The following SCD5 variants were observed in gnomAD, a reference collection of about 807,000 sequenced individuals.
SCD5 encodes the protein stearoyl-CoA desaturase 5.
In SCD5, 20 loss-of-function variants were observed where a neutral mutation model predicts 30.4. That is an observed-to-expected ratio of 0.66 (90% confidence interval 0.46 to 0.96). The LOEUF is 0.96. SCD5 is among the 40% of genes least tolerant of loss of function. SCD5 has a pLI of 0.00. For missense variants in SCD5, 381 were observed against 443.3 expected (o/e 0.86, Z 1.26); for synonymous variants, 173 against 176.4 (o/e 0.98, Z 0.16).
At chr4:82,778,867 T>TC (rs1231390882) in intron 1 of SCD5, among the ~76,000 whole-genome samples, 1 of 149,020 alleles carries the variant, frequency 6.7e-6, no homozygotes, top group African/African-American at 2.5e-5. Flanking sequence ...AACTAGCTAA[T>TC]CTTTTTTTTT....
At chr4:82,771,910 T>C (rs1259286403) in intron 1 of SCD5, among the ~76,000 whole-genome samples, 2 of 152,100 alleles carry the variant, frequency 1.3e-5, no homozygotes, top group East Asian at 3.9e-4. Flanking sequence ...TCCAGTCCAG[T>C]GAGGGAGCCA....
intron 2 of SCD5, among the ~76,000 whole-genome samples, chr4:82,693,257 G>T (rs933848844): frequency 1.3e-5 from 2 of 152,138 alleles, no homozygotes; most frequent in Non-Finnish European, 2.9e-5. Context: ...CCAGCAGTGG[G>T]GTCTGGATGC....
At chr4:82,701,660 T>A (rs986735711) in intron 2 of SCD5, among the ~76,000 whole-genome samples, 3 of 152,240 alleles carry the variant, frequency 2.0e-5, no homozygotes, top group African/African-American at 4.8e-5. Context: ...TCACTGGTAT[T>A]CTCTGTTTAC....
At chr4:82,638,674 C>A (rs548417313) in intron 3 of SCD5, among the ~76,000 whole-genome samples, 1 of 152,142 alleles carries the variant, frequency 6.6e-6, no homozygotes, top group African/African-American at 2.4e-5. Flanking sequence ...CTCAGCAAGG[C>A]GCTGTTACAT....
At chr4:82,756,473 C>T (rs1721236248) in intron 1 of SCD5, among the ~76,000 whole-genome samples, 1 of 152,222 alleles carries the variant, frequency 6.6e-6, no homozygotes, top group Admixed American at 6.5e-5. Flanking sequence ...CGCCTGTAAT[C>T]CCAGCACTTT....
At chr4:82,697,879 A>T (rs1719729455) in intron 2 of SCD5, among the ~76,000 whole-genome samples, 1 of 152,242 alleles carries the variant, frequency 6.6e-6, no homozygotes, top group East Asian at 1.9e-4. Flanking sequence ...GCTTTAATGA[A>T]TTGATAAATC....
chr4:82,709,105 C>T (rs991935750), intron 1 of SCD5, among the ~76,000 whole-genome samples: 1 of 152,166 alleles, frequency 6.6e-6, no homozygotes, highest in East Asian at 1.9e-4. Flanking sequence ...TCTAAATGCC[C>T]CTGCTGATTG....
At chr4:82,736,567 C>CAT (rs1720756639) in intron 1 of SCD5, among the ~76,000 whole-genome samples, 7 of 151,718 alleles carry the variant, frequency 4.6e-5, no homozygotes, top group African/African-American at 7.3e-5. Flanking sequence ...CAGATCGCGC[C>CAT]ATTGCACTCC....
chr4:82,779,881 T>C (rs1560561409), intron 1 of SCD5, among the ~76,000 whole-genome samples: 1 of 152,250 alleles, frequency 6.6e-6, no homozygotes, highest in Non-Finnish European at 1.5e-5. Flanking sequence ...AAACACAATA[T>C]GACTATTCAG....
chr4:82,794,968 G>A (rs538488295), intron 1 of SCD5, among the ~76,000 whole-genome samples: 2 of 152,178 alleles, frequency 1.3e-5, no homozygotes, highest in African/African-American at 4.8e-5. Flanking sequence ...GTCCTTGAAA[G>A]TCATGAACGC....
At chr4:82,635,100 T>C (rs1410796349) in intron 4 of SCD5, among the ~76,000 whole-genome samples, 4 of 152,228 alleles carry the variant, frequency 2.6e-5, no homozygotes, top group Non-Finnish European at 5.9e-5. Flanking sequence ...GGAACTTTCC[T>C]ATGTTTGATC....
intron 2 of SCD5, among the ~76,000 whole-genome samples, chr4:82,702,645 T>C (rs1719877659): frequency 6.6e-6 from 1 of 152,190 alleles, no homozygotes; most frequent in South Asian, 2.1e-4. Flanking sequence ...GAGACAGCTA[T>C]GGCATGACTT....
chr4:82,652,731 G>A (rs1356641663), intron 3 of SCD5, among the ~76,000 whole-genome samples: 1 of 152,164 alleles, frequency 6.6e-6, no homozygotes, highest in African/African-American at 2.4e-5. Flanking sequence ...GACTTATACT[G>A]GGCTTATTAG....
intron 1 of SCD5, among the ~76,000 whole-genome samples, chr4:82,711,705 TAAAAA>T (rs58582191): frequency 1.4e-5 from 2 of 146,270 alleles, no homozygotes; most frequent in Admixed American, 1.4e-4. Context: ...GACCTTGTCT[TAAAAA>T]AAAAAAAAAA....
chr4:82,785,763 T>C (rs141524844), intron 1 of SCD5, among the ~76,000 whole-genome samples: 13 of 152,308 alleles, frequency 8.5e-5, no homozygotes, highest in Non-Finnish European at 1.5e-4. Context: ...CTTCAATTGC[T>C]ACACAGCCAA....
intron 1 of SCD5, among the ~76,000 whole-genome samples, chr4:82,772,809 G>A (rs2148849038): frequency 6.6e-6 from 1 of 151,996 alleles, no homozygotes; most frequent in Middle Eastern, 3.4e-3. Flanking sequence ...GAACTGTCAG[G>A]GACTGTTTCC....
intron 1 of SCD5, among the ~76,000 whole-genome samples, chr4:82,792,232 C>T (rs1164009151): frequency 6.6e-6 from 1 of 151,624 alleles, no homozygotes; most frequent in East Asian, 1.9e-4. Context: ...ACTTGCACTC[C>T]AGCCTGGGTA....
intron 1 of SCD5, among the ~76,000 whole-genome samples, chr4:82,786,566 G>A (rs1304398257): frequency 3.3e-5 from 5 of 152,168 alleles, no homozygotes; most frequent in East Asian, 3.9e-4. Flanking sequence ...TTGGGAAGCC[G>A]AGGTGGGCGG....
Position 82,743,058 on chromosome 4 carries a change from C to A in SCD5, c.233-37645G>T, listed in dbSNP as rs530089993. Among the ~76,000 whole-genome samples the A allele has an allele frequency of 5.9e-5, 9 of 152,298 alleles. No homozygotes were observed. The East Asian group carries it at 1.7e-3, about 29-fold the overall frequency. ...CCCACCTAGCCCCCAGCCCTTTCCA[C>A]TGAGACTCCCAGTTGGATCCAGGCC... On this transcript the variant is annotated intron_variant, in intron 1 of 4. Coordinates refer to ENST00000319540, the MANE Select transcript of SCD5 (RefSeq NM_001037582.3).
Sources: allele counts gnomAD v4.1 joint callset (sites outside exome capture counted in the v4.1 genomes callset), GRCh38; gene constraint gnomAD v4.1.1; transcripts MANE v1.5; gene names NCBI Gene and HGNC (gene_info 2026-07-23, HGNC 2026-07-21).